The following SLC38A8 variants were observed in gnomAD, a reference collection of about 807,000 sequenced individuals.
The protein encoded by SLC38A8 is amino acid transporter SLC38A8.
Under a neutral mutation model 46.0 loss-of-function variants are expected in SLC38A8, and 65 were observed. That is an observed-to-expected ratio of 1.41 (90% CI 1.16 to 1.74). The LOEUF (loss-of-function observed/expected upper bound fraction) is 1.74. SLC38A8 is among the 40% of genes most tolerant of loss of function. SLC38A8 has a pLI of 0.00. For synonymous variants in SLC38A8, 447 were observed against 243.7 expected (o/e 1.83, Z -7.77); for missense variants, 998 against 567.9 (o/e 1.76, Z -7.70).
chr16:84,014,775 A>G (rs2085005176), intron 9 of SLC38A8, among the ~76,000 whole-genome samples: 1 of 152,294 alleles, frequency 6.6e-6, no homozygotes, highest in Non-Finnish European at 1.5e-5. Context: ...CAACCCCTGA[A>G]TCTTAATTCA....
At chr16:84,020,576 G>C (rs1169475097) in intron 7 of SLC38A8, among the ~76,000 whole-genome samples, 1 of 152,226 alleles carries the variant, frequency 6.6e-6, no homozygotes, top group Non-Finnish European at 1.5e-5. Context: ...TGGGGCTGCA[G>C]CACGAGCCAG....
chr16:84,025,482 G>A (rs925968198), intron 6 of SLC38A8, among the ~76,000 whole-genome samples: 11 of 151,896 alleles, frequency 7.2e-5, no homozygotes, highest in Admixed American at 2.0e-4. Context: ...CGGGCTTTTC[G>A]GTTTGTCTAC....
At chr16:84,015,595 G>C (rs551128519) in intron 9 of SLC38A8, among the ~76,000 whole-genome samples, 24 of 152,112 alleles carry the variant, frequency 1.6e-4, no homozygotes, top group Non-Finnish European at 3.2e-4. Context: ...CAGGGCCTCG[G>C]TCTTCGCATC....
At chr16:84,035,007 A>G (rs1333153955) in intron 3 of SLC38A8, among the ~76,000 whole-genome samples, 3 of 152,086 alleles carry the variant, frequency 2.0e-5, no homozygotes, top group African/African-American at 4.8e-5. Flanking sequence ...CCGTCTCAGA[A>G]GCTTGGCCTT....
At chr16:84,022,301 G>C (rs1359712043) in intron 7 of SLC38A8, among the ~76,000 whole-genome samples, 1 of 152,182 alleles carries the variant, frequency 6.6e-6, no homozygotes, top group Non-Finnish European at 1.5e-5. Flanking sequence ...GTACGATCCT[G>C]CGTGTCACAG....
At chr16:84,028,410 C>T (rs529104950) in intron 6 of SLC38A8, among the ~76,000 whole-genome samples, 83 of 151,784 alleles carry the variant, frequency 5.5e-4, no homozygotes, top group African/African-American at 2.0e-3. Flanking sequence ...GTGAAACTCC[C>T]TCTGTACTAA....
chr16:84,033,636 G>A (rs147611769), intron 3 of SLC38A8, among the ~76,000 whole-genome samples, 167 bp from the exon 4 acceptor site: 79 of 152,168 alleles, frequency 5.2e-4, no homozygotes, highest in East Asian at 5.0e-3. Flanking sequence ...CGTGCCCCAC[G>A]CAGGAACAAA....
chr16:84,013,095 C>G (rs763386898), intron 9 of SLC38A8, 43 bp from the exon 10 acceptor site: 2 of 1,612,350 alleles, frequency 1.2e-6, no homozygotes, highest in South Asian at 2.2e-5. Flanking sequence ...CGTTATCAAA[C>G]CCAAAGCAAC....
At chr16:84,020,964 G>A (rs1327706054) in intron 7 of SLC38A8, among the ~76,000 whole-genome samples, 2 of 152,106 alleles carry the variant, frequency 1.3e-5, no homozygotes, top group South Asian at 4.2e-4. Flanking sequence ...TTTTTTGCCT[G>A]TTCCAGCATA....
At chr16:84,043,291 G>C (rs1397973987), upstream of SLC38A8, among the ~76,000 whole-genome samples, 9 of 152,214 alleles carry the variant, frequency 5.9e-5, no homozygotes. Context: ...CAGAATATCG[G>C]AGACGGCCCC....
intron 2 of SLC38A8, among the ~76,000 whole-genome samples, chr16:84,041,724 G>A (rs558869638): frequency 6.6e-6 from 1 of 152,176 alleles, no homozygotes; most frequent in Non-Finnish European, 1.5e-5. Context: ...ACAGAGCTGC[G>A]ATGCCTGTAG....
At chr16:84,025,830 G>A (rs920143159) in intron 6 of SLC38A8, among the ~76,000 whole-genome samples, 6 of 152,230 alleles carry the variant, frequency 3.9e-5, no homozygotes, top group East Asian at 1.9e-4. Flanking sequence ...TTCCGCTGGC[G>A]CGTTGACCTC....
chr16:84,035,910 C>T (rs570192437), intron 3 of SLC38A8, among the ~76,000 whole-genome samples: 3 of 152,334 alleles, frequency 2.0e-5, no homozygotes, highest in East Asian at 1.9e-4. Context: ...GTTGCAATGA[C>T]GATCTGAACA....
At chr16:84,033,110 C>T (rs2085263813) in intron 4 of SLC38A8, among the ~76,000 whole-genome samples, 1 of 152,196 alleles carries the variant, frequency 6.6e-6, no homozygotes, top group Admixed American at 6.5e-5. Context: ...ATGAAATAAA[C>T]TGAGTAGCAC....
chr16:84,039,757 A>C (rs1405322058), intron 2 of SLC38A8, among the ~76,000 whole-genome samples: 1 of 141,522 alleles, frequency 7.1e-6, no homozygotes, highest in African/African-American at 2.6e-5. Flanking sequence ...AAAAAAAAAA[A>C]AAAAAAAAAA....
chr16:84,028,102 G>C (rs771766521), intron 6 of SLC38A8, among the ~76,000 whole-genome samples: 2 of 151,190 alleles, frequency 1.3e-5, no homozygotes, highest in African/African-American at 4.9e-5. Context: ...ATGAAGAACA[G>C]AAGCAGAGCT....
intron 6 of SLC38A8, among the ~76,000 whole-genome samples, chr16:84,025,723 G>T (rs1386429185): frequency 2.0e-5 from 3 of 152,226 alleles, no homozygotes; most frequent in African/African-American, 7.2e-5. Context: ...AACAAGCCCA[G>T]CACAGCTGTC....
At chr16:84,018,042 C>T (rs1301394299) in intron 7 of SLC38A8, among the ~76,000 whole-genome samples, 2 of 152,108 alleles carry the variant, frequency 1.3e-5, no homozygotes, top group East Asian at 3.9e-4. Flanking sequence ...TTGCTTACAA[C>T]AGAATACCTG....
rs192723807 is a variant in SLC38A8, at chr16:84,030,940, T to A, written c.632+927A>T. Among the ~76,000 whole-genome samples, 584 of 152,272 alleles carry A rather than the reference T, an allele frequency of 3.8e-3. 2 individuals carry two copies. The highest frequency in any genetic ancestry group is 5.9e-3 in the Non-Finnish European group (403 of 68,030). On this transcript the variant is annotated intron_variant, in intron 5 of 10. Transcript: ENST00000299709. ...CATTGCCTCCTCTGAAGCCACCAGG[T>A]CTGGGACCCGGGATCTAGGCAGAGG...
Sources: gnomAD v4.1 joint callset for allele counts (sites outside exome capture counted in the v4.1 genomes callset) on GRCh38, gnomAD v4.1.1 for gene constraint, MANE v1.5 for transcripts, NCBI Gene and HGNC (gene_info 2026-07-23, HGNC 2026-07-21) for gene names.